The following DMXL2 variants were observed in gnomAD, a reference collection of about 807,000 sequenced individuals.
The protein encoded by DMXL2 is dmX-like protein 2.
DMXL2 carries 103 observed loss-of-function variants against 331.1 expected under a neutral mutation model. That is an observed-to-expected ratio of 0.31 (90% CI 0.27 to 0.37). DMXL2 has a LOEUF of 0.37. Ranked by LOEUF, DMXL2 falls within the 10% of genes least tolerant of loss-of-function variation. DMXL2 has a pLI of 1.00. For missense variants in DMXL2, 3,171 were observed against 3,642.9 expected, an observed-to-expected ratio of 0.87 and a Z score of 3.33; for synonymous variants, 1,281 against 1,252.1, an observed-to-expected ratio of 1.02 and a Z score of -0.49.
intron 32 of DMXL2, among the ~76,000 whole-genome samples, 159 bp from the exon 33 acceptor site, chr15:51,463,655 CA>C (rs1243650754): frequency 6.6e-6 from 1 of 152,128 alleles, no homozygotes; most frequent in African/African-American, 2.4e-5. Flanking sequence ...TTAAGCTCAA[CA>C]AAACTGTACA....
In DMXL2 at chr15:51,622,539, G is replaced by C. The variant is rs373762461; in HGVS notation, c.7C>G (p.Leu3Val). ...ACAGCTCCGGTGAGGACCTGATGCA[G>C]ATGCATCTCCGGAGCCCGGGCTGGA... MH[L>V]HQVLTGAVNP... Residue 3 changes from leucine to valine, a missense_variant, in exon 1 of 44, where the codon CTG becomes GTG. Leu to Val is a conservative substitution (Grantham distance 32). Around this residue, in one of 7 missense-constraint regions of DMXL2, gnomAD observed 1,674 missense variants for 1,780.2 expected, o/e 0.94. Transcript: ENST00000560891. 21 of 1,556,094 alleles carry C rather than the reference G, an allele frequency of 1.3e-5. No individual in the cohort carries two copies. Among genetic ancestry groups the C allele is most frequent in the African/African-American group, 6.8e-5 (5 of 73,082 alleles).
chr15:51,600,201 T>C (rs1481822281), intron 1 of DMXL2, among the ~76,000 whole-genome samples: 1 of 152,320 alleles, frequency 6.6e-6, no homozygotes, highest in East Asian at 1.9e-4. Context: ...ACACAGTTTT[T>C]AGTTCTCCAT....
chr15:51,618,705 C>T (rs552421370), intron 1 of DMXL2, among the ~76,000 whole-genome samples: 1 of 152,254 alleles, frequency 6.6e-6, no homozygotes, highest in African/African-American at 2.4e-5. Context: ...GCAAAGAAAA[C>T]AGTCACTCAA....
At chr15:51,476,381 G>A (rs1383873214) in intron 27 of DMXL2, among the ~76,000 whole-genome samples, 1 of 152,050 alleles carries the variant, frequency 6.6e-6, no homozygotes, top group Non-Finnish European at 1.5e-5. Context: ...AACATAGCTG[G>A]TTTTATGAAG....
intron 1 of DMXL2, among the ~76,000 whole-genome samples, chr15:51,611,338 A>G (rs2053957320): frequency 6.6e-6 from 1 of 152,008 alleles, no homozygotes; most frequent in Admixed American, 6.6e-5. Context: ...CTTTATACTC[A>G]TAAATTTGAA....
At chr15:51,475,951 G>T (rs1350112679) in intron 27 of DMXL2, among the ~76,000 whole-genome samples, 1 of 152,148 alleles carries the variant, frequency 6.6e-6, no homozygotes, top group African/African-American at 2.4e-5. Flanking sequence ...TAACATTTGG[G>T]GAATCTGGGT....
chr15:51,598,755 C>A (rs2053016422), intron 1 of DMXL2, among the ~76,000 whole-genome samples: 1 of 152,206 alleles, frequency 6.6e-6, no homozygotes, highest in African/African-American at 2.4e-5. Flanking sequence ...TCAGGTGGCA[C>A]TTCTGTTAAT....
rs544164664 is a variant in DMXL2 at position 51,496,318 on chromosome 15, T to TA, written c.4673-1185dup. The stretch of plus-strand genomic sequence containing the variant: ...TGGAAATTAATGCTATGAAGGGAAA[T>TA]AAAGCAGGACTGAGAGATAGGGAAT... On this transcript the variant is annotated intron_variant, in intron 18 of 43. Coordinates refer to ENST00000560891, the MANE Select transcript of DMXL2 (RefSeq NM_001378457.1). Among the ~76,000 whole-genome samples, 307 of 152,156 alleles carry TA rather than the reference T, an allele frequency of 2.0e-3. 3 individuals are homozygous for TA. Among genetic ancestry groups the TA allele is most frequent in the African/African-American group, 7.1e-3 (293 of 41,518 alleles).
chr15:51,455,362 C>T (rs2039530926), intron 39 of DMXL2, 134 bp from the exon 40 acceptor site: 8 of 763,420 alleles, frequency 1.0e-5, no homozygotes, highest in Non-Finnish European at 1.7e-5. Context: ...GCTGTCATTC[C>T]CAAAAAGTCC....
intron 1 of DMXL2, 53 bp downstream of exon 1, chr15:51,622,406 C>T (rs890620814): frequency 1.3e-6 from 2 of 1,548,414 alleles, no homozygotes; most frequent in Non-Finnish European, 1.7e-6. Flanking sequence ...GAGGTCCCTG[C>T]CCCCGCGTCT....
At chr15:51,586,906 A>G (rs1429670682) in intron 1 of DMXL2, among the ~76,000 whole-genome samples, 1 of 151,898 alleles carries the variant, frequency 6.6e-6, no homozygotes, top group Non-Finnish European at 1.5e-5. Context: ...TATATTTTAT[A>G]TGTCAGTGCT....
Position 51,576,105 on chromosome 15 carries a change from T to A in DMXL2, c.164A>T (p.His55Leu). ...ECVQIIPGAK[H>L]GNIQVSCVEC... ...CACACAGCTGACTTGGATGTTTCCATGCTTAGCACCAGGAATGATCTGTAC... is the reference window on the plus strand; with the variant it reads ...CACACAGCTGACTTGGATGTTTCCAAGCTTAGCACCAGGAATGATCTGTAC... The change falls in exon 2 of 44, where the codon CAT becomes CTT. Residue 55 changes from histidine (H) to leucine (L), a missense_variant. His to Leu is a moderately conservative substitution (Grantham distance 99). Coordinates refer to ENST00000560891, the MANE Select transcript of DMXL2 (RefSeq NM_001378457.1). The A allele has an allele frequency of 6.3e-7, 1 of 1,587,106 alleles. No individual in the cohort carries two copies. The highest frequency in any genetic ancestry group is 8.6e-7 in the Non-Finnish European group (1 of 1,167,864).
At chr15:51,543,315 G>A (rs1292662411) in intron 8 of DMXL2, among the ~76,000 whole-genome samples, 1 of 152,086 alleles carries the variant, frequency 6.6e-6, no homozygotes, top group Admixed American at 6.6e-5. Flanking sequence ...ATTAAATAAA[G>A]TATAAAATGT....
intron 15 of DMXL2, among the ~76,000 whole-genome samples, chr15:51,511,797 C>G (rs978742469): frequency 6.6e-6 from 1 of 152,138 alleles, no homozygotes; most frequent in African/African-American, 2.4e-5. Flanking sequence ...ACCCAAATGC[C>G]CATCAATGAT....
chr15:51,491,654 T>C lies in DMXL2; in HGVS notation c.4877A>G (p.Gln1626Arg), dbSNP rs1488436335. Residue 1626 changes from glutamine (Q) to arginine (R), a missense_variant, in exon 20 of 44, where the codon CAG (glutamine) becomes CGG (arginine). Gln to Arg is a conservative substitution (Grantham distance 43, BLOSUM62 1). Around this residue, in one of 7 missense-constraint regions of DMXL2, gnomAD observed 252 missense variants for 387.4 expected, o/e 0.65. Transcript: ENST00000560891. ...MIPAIQRGDP[Q>R]WSELRAMGIG... Reference sequence around the variant, plus strand: ...GCCCATAGCTCTTAATTCAGACCACTGGGGGTCCCCTCTCTGAATTGCTGG... The same window carrying C: ...GCCCATAGCTCTTAATTCAGACCACCGGGGGTCCCCTCTCTGAATTGCTGG... 6.2e-7 allele frequency: 1 copy of C among 1,613,694 alleles called. No homozygotes were observed. The highest frequency in any genetic ancestry group is 1.1e-5 in the South Asian group (1 of 90,998).
At chr15:51,522,250 T>C (rs1596110486) in intron 13 of DMXL2, among the ~76,000 whole-genome samples, 1 of 152,368 alleles carries the variant, frequency 6.6e-6, no homozygotes, top group Middle Eastern at 3.4e-3. Flanking sequence ...CTATTACTAA[T>C]GCCTTTAGAG....
chr15:51,531,262 C>A (rs1036226210), intron 13 of DMXL2, among the ~76,000 whole-genome samples: 1 of 151,940 alleles, frequency 6.6e-6, no homozygotes, highest in Non-Finnish European at 1.5e-5. Flanking sequence ...GACAAAGGTG[C>A]CAAGAATATA....
chr15:51,536,057 A>G, intron 12 of DMXL2, 109 bp downstream of exon 12: 1 of 1,065,900 alleles, frequency 9.4e-7, no homozygotes, highest in Non-Finnish European at 1.3e-6. Context: ...CTTAATGAAA[A>G]CTGAATACTT....
chr15:51,476,581 A>G lies in DMXL2; in HGVS notation c.6964+8T>C. On this transcript the variant is annotated splice_region_variant and intron_variant, in intron 27 of 43. Coordinates refer to ENST00000560891, the MANE Select transcript of DMXL2 (RefSeq NM_001378457.1). ...AGATTTTTTTTTTTTAATCATTTAA[A>G]TTCTCACCAGGCCATTGAGCAGGAG... 6.3e-7 allele frequency: 1 copy of G among 1,597,688 alleles called. No individual in the cohort carries two copies. The highest frequency in any genetic ancestry group is 8.5e-7 in the Non-Finnish European group (1 of 1,175,600).
Sources: gnomAD v4.1 joint callset for allele counts (sites outside exome capture counted in the v4.1 genomes callset) on GRCh38, gnomAD v4.1.1 for gene constraint, gnomAD v4.1.1 regional missense constraint, MANE v1.5 for transcripts, NCBI Gene and HGNC (gene_info 2026-07-23, HGNC 2026-07-21) for gene names.